Variants in PSTPIP2 observed in about 807,000 individuals in gnomAD.
PSTPIP2 encodes proline-serine-threonine phosphatase interacting protein 2.
Under a neutral mutation model 63.3 loss-of-function variants are expected in PSTPIP2, and 33 were observed. The observed-to-expected ratio is 0.52, with a 90% CI of 0.40 to 0.70. The LOEUF is 0.70. PSTPIP2 is among the 30% of genes least tolerant of loss of function. The pLI is 0.00. For missense variants in PSTPIP2, 312 were observed against 400.7 expected (o/e 0.78, Z 1.89); for synonymous variants, 125 against 132.7 (o/e 0.94, Z 0.40).
In PSTPIP2 at chr18:45,986,921, T is replaced by A. The variant is rs113919101; in HGVS notation, c.*9-1471A>T. 8.9e-4 allele frequency among the ~76,000 whole-genome samples: 136 copies of A among 152,298 alleles called. 1 individual carries two copies. The highest frequency in any genetic ancestry group is 6.8e-3 in the Middle Eastern group (2 of 294). On this transcript the variant is annotated intron_variant, in intron 14 of 14. Transcript: ENST00000409746. ...GGCGCAATCTCAGCTCACTACAACC[T>A]CCACCTCCTGGGTTCGAGTGATTCT...
At chr18:46,050,413 A>T (rs994024084) in intron 1 of PSTPIP2, among the ~76,000 whole-genome samples, 2 of 152,178 alleles carry the variant, frequency 1.3e-5, no homozygotes, top group African/African-American at 2.4e-5. Context: ...CTACAAAAAA[A>T]TTTTAAAAAT....
At chr18:46,040,256 T>C in intron 1 of PSTPIP2, 1 of 444,022 alleles carries the variant, frequency 2.3e-6, no homozygotes, top group Non-Finnish European at 4.0e-6. Flanking sequence ...CAAGGAAAAT[T>C]CCAGGTATCT....
intron 5 of PSTPIP2, among the ~76,000 whole-genome samples, chr18:46,007,497 T>C (rs892377452): frequency 2.0e-5 from 3 of 152,272 alleles, no homozygotes; most frequent in Admixed American, 2.0e-4. Flanking sequence ...TTCACATGCA[T>C]GACTGTGTCC....
At chr18:46,031,999 G>T (rs1462725797) in intron 2 of PSTPIP2, among the ~76,000 whole-genome samples, 1 of 152,140 alleles carries the variant, frequency 6.6e-6, no homozygotes, top group Admixed American at 6.5e-5. Context: ...CCCGTAAATG[G>T]GAAGCAATGG....
At position 45,996,413 on chromosome 18, in the gene PSTPIP2, T is replaced by G. The variant is rs540746597; in HGVS notation, c.642+1336A>C. ...TGATTCGGTAGGTCTGAGGTTGGTC[T>G]GAGAACCTGCATTTCTAACAAGTTC... On this transcript the variant is annotated intron_variant, in intron 9 of 14. Transcript: ENST00000409746. Among the ~76,000 whole-genome samples, 23 of 152,322 alleles carry G rather than the reference T, an allele frequency of 1.5e-4. No homozygotes were observed. The South Asian group carries it at 4.8e-3, about 32-fold the overall frequency.
At chr18:46,035,484 G>A (rs1198457801) in intron 2 of PSTPIP2, among the ~76,000 whole-genome samples, 1 of 151,644 alleles carries the variant, frequency 6.6e-6, no homozygotes, top group Non-Finnish European at 1.5e-5. Context: ...ACCTGGACTT[G>A]GAAGGATGGG....
chr18:46,043,923 A>G (rs1908284839), intron 1 of PSTPIP2, among the ~76,000 whole-genome samples: 1 of 152,194 alleles, frequency 6.6e-6, no homozygotes. Context: ...TACAGGGATA[A>G]CACAAGAAGT....
intron 1 of PSTPIP2, among the ~76,000 whole-genome samples, chr18:46,066,409 C>T (rs1245973162): frequency 6.6e-6 from 1 of 152,172 alleles, no homozygotes; most frequent in Non-Finnish European, 1.5e-5. Flanking sequence ...CTAATAATCT[C>T]TTAGAGGTGA....
intron 1 of PSTPIP2, among the ~76,000 whole-genome samples, chr18:46,053,015 A>G (rs1161834224): frequency 6.6e-6 from 1 of 152,220 alleles, no homozygotes; most frequent in African/African-American, 2.4e-5. Context: ...CATATGAACA[A>G]AAATACATAA....
At chr18:46,036,613 C>T (rs1039666599) in intron 2 of PSTPIP2, among the ~76,000 whole-genome samples, 3 of 152,200 alleles carry the variant, frequency 2.0e-5, no homozygotes, top group Non-Finnish European at 2.9e-5. Context: ...GCACACGGAG[C>T]GGCTCCTTGC....
intron 2 of PSTPIP2, among the ~76,000 whole-genome samples, chr18:46,032,754 CAAAAAAA>C (rs762015034): frequency 0.013 from 670 of 50,184 alleles, 11 homozygotes; most frequent in Admixed American, 0.089. Context: ...AACTCTGTGT[CAAAAAAA>C]AAAAAAAAAA....
intron 11 of PSTPIP2, 44 bp from the exon 12 acceptor site, chr18:45,992,027 T>C (rs2051540321): frequency 6.3e-7 from 1 of 1,595,732 alleles, no homozygotes; most frequent in South Asian, 1.1e-5. Flanking sequence ...GGCAGGCGTC[T>C]TTCATCCTTA....
At chr18:45,996,161 G>A (rs1276196843) in intron 9 of PSTPIP2, among the ~76,000 whole-genome samples, 1 of 152,202 alleles carries the variant, frequency 6.6e-6, no homozygotes, top group African/African-American at 2.4e-5. Flanking sequence ...GAGTCTGTGT[G>A]CAAGATAACA....
At chr18:46,059,228 T>C (rs1908899340) in intron 1 of PSTPIP2, among the ~76,000 whole-genome samples, 1 of 151,528 alleles carries the variant, frequency 6.6e-6, no homozygotes, top group African/African-American at 2.4e-5. Flanking sequence ...ATGGAGACAG[T>C]GTTTCAACGT....
intron 1 of PSTPIP2, among the ~76,000 whole-genome samples, chr18:46,043,543 C>T (rs1200429932): frequency 2.0e-5 from 3 of 152,190 alleles, no homozygotes; most frequent in African/African-American, 7.2e-5. Flanking sequence ...AAAGCCTCAG[C>T]TAACAGCCTA....
intron 6 of PSTPIP2, among the ~76,000 whole-genome samples, chr18:46,002,931 T>C (rs2051683044): frequency 1.3e-5 from 2 of 152,260 alleles, no homozygotes. Flanking sequence ...GTTTCGTATC[T>C]TTCTGGTATG....
chr18:46,043,521 T>G (rs904108422), intron 1 of PSTPIP2, among the ~76,000 whole-genome samples: 1 of 152,056 alleles, frequency 6.6e-6, no homozygotes, highest in African/African-American at 2.4e-5. Context: ...ATCTGACAAA[T>G]AGTATCTACA....
chr18:46,032,889 C>A (rs913412526), intron 2 of PSTPIP2, among the ~76,000 whole-genome samples: 1 of 152,124 alleles, frequency 6.6e-6, no homozygotes, highest in Non-Finnish European at 1.5e-5. Flanking sequence ...CAATCTAGTG[C>A]TCCAGGTTGC....
chr18:46,042,622 A>G (rs532269636), intron 1 of PSTPIP2, among the ~76,000 whole-genome samples: 4 of 152,318 alleles, frequency 2.6e-5, no homozygotes, highest in East Asian at 1.9e-4. Context: ...GAAAAGGCCT[A>G]TTGTGCTTGC....
Sources: allele counts gnomAD v4.1 joint callset (sites outside exome capture counted in the v4.1 genomes callset), GRCh38; gene constraint gnomAD v4.1.1; transcripts MANE v1.5; gene names NCBI Gene and HGNC (gene_info 2026-07-23, HGNC 2026-07-21).